RBFOX1: variants seen among roughly 807,000 people sequenced by gnomAD.
RBFOX1 encodes the protein RNA binding protein fox-1 homolog 1.
RBFOX1 carries 8 observed loss-of-function variants against 57.7 expected under a neutral mutation model. The observed-to-expected ratio is 0.14, with a 90% confidence interval of 0.08 to 0.25. The LOEUF (loss-of-function observed/expected upper bound fraction) is 0.25. RBFOX1 is among the 10% of genes least tolerant of loss of function. The pLI is 1.00. For missense variants in RBFOX1, 611 were observed against 548.5 expected, an observed-to-expected ratio of 1.11 and a Z score of -1.14; for synonymous variants, 326 against 222.4, an observed-to-expected ratio of 1.47 and a Z score of -4.15.
intron 2 of RBFOX1, among the ~76,000 whole-genome samples, chr16:6,401,652 C>G (rs2152953955): frequency 6.6e-6 from 1 of 152,228 alleles, no homozygotes; most frequent in East Asian, 1.9e-4. Context: ...TTTCAAATCC[C>G]TTGTATAATG....
At chr16:7,013,110 T>A (rs2093729973) in intron 3 of RBFOX1, among the ~76,000 whole-genome samples, 1 of 152,154 alleles carries the variant, frequency 6.6e-6, no homozygotes, top group Non-Finnish European at 1.5e-5. Flanking sequence ...AAGTCCCATC[T>A]CCAAATGTCT....
chr16:7,122,584 G>C (rs1199709772), intron 4 of RBFOX1, among the ~76,000 whole-genome samples: 1 of 152,154 alleles, frequency 6.6e-6, no homozygotes, highest in Admixed American at 6.5e-5. Flanking sequence ...TGCTGTGGAG[G>C]ATTCAGAGAA....
chr16:7,196,410 CA>C (rs930240518), intron 4 of RBFOX1, among the ~76,000 whole-genome samples: 11 of 152,168 alleles, frequency 7.2e-5, no homozygotes, highest in Admixed American at 2.0e-4. Flanking sequence ...CTTAGCAGCA[CA>C]AAATCAAGAA....
At chr16:7,398,930 T>TA in intron 4 of RBFOX1, among the ~76,000 whole-genome samples, 2 of 152,310 alleles carry the variant, frequency 1.3e-5, no homozygotes, top group South Asian at 4.1e-4. Flanking sequence ...GGTAGCTTTA[T>TA]AACAATAGAA....
chr16:7,207,935 C>T (rs1306649595), intron 4 of RBFOX1, among the ~76,000 whole-genome samples: 2 of 152,172 alleles, frequency 1.3e-5, no homozygotes, highest in African/African-American at 2.4e-5. Flanking sequence ...TCCTCTCAAT[C>T]TTAGTCCTGG....
At chr16:6,591,617 T>G (rs1459207630) in intron 2 of RBFOX1, among the ~76,000 whole-genome samples, 1 of 152,188 alleles carries the variant, frequency 6.6e-6, no homozygotes, top group Non-Finnish European at 1.5e-5. Context: ...TGATAGAAAC[T>G]GCTTTTCTTC....
rs1043399976 is a variant in RBFOX1, at chr16:5,334,942, G to C, written c.219+94837G>C. ...TAGCATGGAAAGAATAGTTTTGTTC[G>C]CTTGTTTAAATCTTCTTGTAGTATA... On this transcript the variant is annotated intron_variant, in intron 1 of 2. Transcript: ENST00000585867. Among the ~76,000 whole-genome samples the C allele has an allele frequency of 2.8e-4, 42 of 151,978 alleles. 1 individual carries two copies. The highest frequency in any genetic ancestry group is 5.9e-5 in the Non-Finnish European group (4 of 67,972).
intron 3 of RBFOX1, among the ~76,000 whole-genome samples, chr16:6,663,544 G>A (rs2098714194): frequency 1.3e-5 from 2 of 152,192 alleles, no homozygotes; most frequent in Non-Finnish European, 2.9e-5. Flanking sequence ...AGAATGGGGA[G>A]TATTCATGAA....
chr16:7,563,303 G>C (rs1046413654), intron 5 of RBFOX1, among the ~76,000 whole-genome samples: 2 of 152,152 alleles, frequency 1.3e-5, no homozygotes, highest in Non-Finnish European at 2.9e-5. Context: ...GATGCCAATA[G>C]TATTCCTATT....
At chr16:7,570,633 C>T (rs766745842) in intron 5 of RBFOX1, among the ~76,000 whole-genome samples, 13 of 152,176 alleles carry the variant, frequency 8.5e-5, no homozygotes, top group African/African-American at 1.4e-4. Flanking sequence ...ATAAATATTC[C>T]TTCCCTGAAT....
At chr16:5,524,602 G>A (rs9925809) in intron 2 of RBFOX1, among the ~76,000 whole-genome samples, 17 of 150,970 alleles carry the variant, frequency 1.1e-4, no homozygotes, top group African/African-American at 4.1e-4. Flanking sequence ...GTGCAGTGGT[G>A]CGATCTTGGC....
At chr16:5,597,816 T>A (rs2047236996) in intron 2 of RBFOX1, among the ~76,000 whole-genome samples, 1 of 152,158 alleles carries the variant, frequency 6.6e-6, no homozygotes, top group Admixed American at 6.5e-5. Context: ...ACGACGGTGA[T>A]TCACATCCCA....
intron 1 of RBFOX1, among the ~76,000 whole-genome samples, chr16:6,126,949 G>T (rs1057274748): frequency 6.6e-6 from 1 of 152,120 alleles, no homozygotes; most frequent in Non-Finnish European, 1.5e-5. Context: ...AAATCAATGT[G>T]GTTGTGAGAT....
intron 3 of RBFOX1, among the ~76,000 whole-genome samples, chr16:5,655,319 C>A (rs141695628): frequency 1.3e-5 from 2 of 152,044 alleles, no homozygotes; most frequent in African/African-American, 4.8e-5. Context: ...CCATTTCATG[C>A]GGGTAAGATA....
intron 3 of RBFOX1, among the ~76,000 whole-genome samples, chr16:5,813,284 A>C (rs2055500920): frequency 6.6e-6 from 1 of 152,148 alleles, no homozygotes; most frequent in Non-Finnish European, 1.5e-5. Flanking sequence ...AACCATTTTA[A>C]AACATACAAT....
intron 4 of RBFOX1, among the ~76,000 whole-genome samples, chr16:7,392,238 C>T (rs891494423): frequency 6.6e-5 from 10 of 152,174 alleles, no homozygotes; most frequent in African/African-American, 2.4e-4. Flanking sequence ...GAAGCCCTCC[C>T]TCCCTGAATC....
rs1250057881 is a variant in RBFOX1, at chr16:7,307,224, A to G, written c.28-210923A>G. ...CCGGCCATCGAGTCTTCCCTGAAGT[A>G]TATTTTTCTGGAATGCAGTTTCATA... On this transcript the variant is annotated intron_variant, in intron 4 of 15. Coordinates refer to ENST00000550418, the MANE Select transcript of RBFOX1 (RefSeq NM_018723.4). Among the ~76,000 whole-genome samples, 6 of 152,352 alleles carry G rather than the reference A, an allele frequency of 3.9e-5. No homozygotes were observed. In the South Asian group the frequency reaches 1.2e-3, roughly 32 times the overall value.
At chr16:7,600,705 C>T (rs1182397276) in intron 9 of RBFOX1, among the ~76,000 whole-genome samples, 1 of 152,174 alleles carries the variant, frequency 6.6e-6, no homozygotes, top group African/African-American at 2.4e-5. Context: ...CACCTTCATG[C>T]ATTACTTCAA....
At chr16:7,003,201 C>T (rs533821364) in intron 3 of RBFOX1, among the ~76,000 whole-genome samples, 3 of 152,224 alleles carry the variant, frequency 2.0e-5, no homozygotes, top group East Asian at 1.9e-4. Flanking sequence ...TGGCTCACGC[C>T]TGTAATCCCA....
Sources: gnomAD v4.1 joint callset for allele counts (sites outside exome capture counted in the v4.1 genomes callset) on GRCh38, gnomAD v4.1.1 for gene constraint, MANE v1.5 for transcripts, NCBI Gene and HGNC (gene_info 2026-07-23, HGNC 2026-07-21) for gene names.